Variants in CNTN6 observed in about 807,000 individuals in gnomAD.
CNTN6 encodes contactin-6.
Under a neutral mutation model 122.8 loss-of-function variants are expected in CNTN6, and 137 were observed. The ratio of observed to expected loss-of-function variants is 1.12; its 90% CI spans 0.97 to 1.29. The LOEUF is 1.29. Among genes scored for constraint, CNTN6 ranks in the 50% most tolerant of loss-of-function variants. CNTN6 has a pLI of 0.00. For synonymous variants in CNTN6, 570 were observed against 426.0 expected, an observed-to-expected ratio of 1.34 and a Z score of -4.16; for missense variants, 1,634 against 1,223.4, an observed-to-expected ratio of 1.34 and a Z score of -5.01.
intron 12 of CNTN6, among the ~76,000 whole-genome samples, chr3:1,371,442 A>G (rs1488357130): frequency 1.3e-5 from 2 of 152,106 alleles, no homozygotes; most frequent in Non-Finnish European, 2.9e-5. Flanking sequence ...CTAAATCCAA[A>G]TATTTGTCCA....
chr3:1,354,958 C>T (rs748932581), intron 12 of CNTN6, among the ~76,000 whole-genome samples: 2 of 151,464 alleles, frequency 1.3e-5, no homozygotes, highest in Non-Finnish European at 3.0e-5. Context: ...TCCAAAAATT[C>T]GTGAAGAGAA....
At chr3:1,111,671 A>T (rs967755314) in intron 1 of CNTN6, among the ~76,000 whole-genome samples, 1 of 152,174 alleles carries the variant, frequency 6.6e-6, no homozygotes, top group East Asian at 1.9e-4. Flanking sequence ...ACTGAGTGTG[A>T]GGTAGTTTCA....
At chr3:1,253,184 G>C (rs1210564915) in intron 4 of CNTN6, among the ~76,000 whole-genome samples, 4 of 152,102 alleles carry the variant, frequency 2.6e-5, no homozygotes, top group Non-Finnish European at 4.4e-5. Flanking sequence ...TATTTCATTA[G>C]CTTCAGTCCT....
chr3:1,148,091 G>T, intron 2 of CNTN6, 28 bp downstream of exon 2: 2 of 1,557,244 alleles, frequency 1.3e-6, no homozygotes, highest in East Asian at 2.3e-5. Flanking sequence ...TATAAGTTTT[G>T]ATTGATAAAT....
intron 1 of CNTN6, among the ~76,000 whole-genome samples, chr3:1,144,096 C>A (rs2092673103): frequency 6.6e-6 from 1 of 152,282 alleles, no homozygotes; most frequent in African/African-American, 2.4e-5. Context: ...TGCTGAATAG[C>A]TATGAGCTCT....
intron 5 of CNTN6, 90 bp from the exon 6 acceptor site, chr3:1,295,511 G>A: frequency 9.4e-7 from 1 of 1,060,724 alleles, no homozygotes; most frequent in Non-Finnish European, 1.4e-6. Flanking sequence ...CCTAATTATG[G>A]GGAAGTAAGA....
intron 12 of CNTN6, among the ~76,000 whole-genome samples, chr3:1,361,144 T>G (rs1439773453): frequency 6.6e-6 from 1 of 152,078 alleles, no homozygotes; most frequent in South Asian, 2.1e-4. Flanking sequence ...TTTTCACAAC[T>G]GAAGGGTCTC....
chr3:1,218,886 C>T (rs1034528772), intron 2 of CNTN6, among the ~76,000 whole-genome samples: 7 of 152,018 alleles, frequency 4.6e-5, no homozygotes, highest in African/African-American at 1.7e-4. Flanking sequence ...TTTTTAACAA[C>T]AACAACAAAA....
At chr3:1,274,283 C>T (rs534325584) in intron 4 of CNTN6, among the ~76,000 whole-genome samples, 52 of 152,168 alleles carry the variant, frequency 3.4e-4, no homozygotes, top group African/African-American at 1.3e-3. Context: ...ACATCAACAG[C>T]GCCAACATAT....
chr3:1,388,257 G>A (rs1379569194), intron 20 of CNTN6, among the ~76,000 whole-genome samples: 4 of 149,178 alleles, frequency 2.7e-5, no homozygotes, highest in South Asian at 4.3e-4. Context: ...CCTGACCCCT[G>A]ACCCCCGAGC....
intron 12 of CNTN6, among the ~76,000 whole-genome samples, chr3:1,356,800 T>C (rs1334714148): frequency 6.6e-6 from 1 of 151,870 alleles, no homozygotes; most frequent in African/African-American, 2.4e-5. Context: ...ATGGTAAAAA[T>C]TACTTTCAAG....
At chr3:1,360,696 A>G (rs1243063991) in intron 12 of CNTN6, among the ~76,000 whole-genome samples, 2 of 151,944 alleles carry the variant, frequency 1.3e-5, no homozygotes, top group African/African-American at 4.8e-5. Context: ...ATTATCTATA[A>G]GTTAATTCCC....
intron 5 of CNTN6, among the ~76,000 whole-genome samples, chr3:1,293,484 T>C (rs1385541538): frequency 6.6e-6 from 1 of 152,192 alleles, no homozygotes; most frequent in African/African-American, 2.4e-5. Context: ...TAGTGAAGAA[T>C]GTTTCAGGTG....
chr3:1,195,518 G>A (rs889916753), intron 2 of CNTN6, among the ~76,000 whole-genome samples: 6 of 152,200 alleles, frequency 3.9e-5, no homozygotes, highest in Admixed American at 2.0e-4. Flanking sequence ...CTTAGAAAGA[G>A]TGCTGTGAAA....
At chr3:1,354,625 A>G (rs1451930328) in intron 12 of CNTN6, among the ~76,000 whole-genome samples, 1 of 151,582 alleles carries the variant, frequency 6.6e-6, no homozygotes, top group Non-Finnish European at 1.5e-5. Context: ...TTAATCAATG[A>G]TGAATCATAA....
chr3:1,099,617 C>T (rs1430667069), intron 1 of CNTN6, among the ~76,000 whole-genome samples: 1 of 152,114 alleles, frequency 6.6e-6, no homozygotes, highest in Non-Finnish European at 1.5e-5. Context: ...AACTTATACA[C>T]ATTAAGTGAG....
intron 17 of CNTN6, among the ~76,000 whole-genome samples, chr3:1,378,156 T>A (rs996069961): frequency 6.6e-6 from 1 of 152,064 alleles, no homozygotes; most frequent in African/African-American, 2.4e-5. Context: ...TTGCATGGGT[T>A]TCACATTTGT....
chr3:1,352,475 C>T (rs62230966), intron 12 of CNTN6, 24 bp downstream of exon 12: 1 of 1,607,554 alleles, frequency 6.2e-7, no homozygotes. Context: ...TTCATTTGTG[C>T]TTGATGAACA....
At chr3:1,102,031 A>T (rs148443213) in intron 1 of CNTN6, among the ~76,000 whole-genome samples, 1,728 of 152,324 alleles carry the variant, frequency 0.011, 15 homozygotes, top group Middle Eastern at 0.041. Flanking sequence ...CCTTTTTTAA[A>T]AGTCTTCTTT....
Sources: gnomAD v4.1 joint callset for allele counts (sites outside exome capture counted in the v4.1 genomes callset) on GRCh38, gnomAD v4.1.1 for gene constraint, MANE v1.5 for transcripts, NCBI Gene and HGNC (gene_info 2026-07-23, HGNC 2026-07-21) for gene names.